Variants in PTK2 observed in about 807,000 individuals in gnomAD.
PTK2 encodes focal adhesion kinase 1.
In PTK2, 45 loss-of-function variants were observed where a neutral mutation model predicts 150.1. That is an observed-to-expected ratio of 0.30 (90% confidence interval 0.24 to 0.38). PTK2 has a LOEUF of 0.38. Ranked by LOEUF, PTK2 falls within the 10% of genes least tolerant of loss-of-function variation. The probability of loss-of-function intolerance (pLI) is 1.00; values close to 1 mark genes in which losing one functional copy is unlikely to be tolerated. For missense variants in PTK2, 919 were observed against 1,307.3 expected, an observed-to-expected ratio of 0.70 and a Z score of 4.58; for synonymous variants, 432 against 449.2, an observed-to-expected ratio of 0.96 and a Z score of 0.48.
At chr8:140,842,379 T>C (rs1330929519) in intron 7 of PTK2, among the ~76,000 whole-genome samples, 1 of 152,092 alleles carries the variant, frequency 6.6e-6, no homozygotes, top group Non-Finnish European at 1.5e-5. Flanking sequence ...TTGGTTTTTA[T>C]CCTGATTGAC....
intron 26 of PTK2, among the ~76,000 whole-genome samples, chr8:140,688,791 T>C (rs891713924): frequency 3.3e-5 from 5 of 152,198 alleles, no homozygotes; most frequent in African/African-American, 1.2e-4. Context: ...GAGCATAACT[T>C]AAAACATTGT....
intron 2 of PTK2, among the ~76,000 whole-genome samples, chr8:140,910,221 G>C (rs1370049172): frequency 1.3e-5 from 2 of 152,074 alleles, no homozygotes; most frequent in African/African-American, 2.4e-5. Flanking sequence ...ATAAAAGAGT[G>C]GGGGAGGTAA....
intron 27 of PTK2, among the ~76,000 whole-genome samples, chr8:140,678,793 A>G (rs915842460): frequency 1.2e-4 from 18 of 152,124 alleles, no homozygotes; most frequent in African/African-American, 4.3e-4. Context: ...AGGAACAGCA[A>G]GGTGGTCAGG....
intron 1 of PTK2, among the ~76,000 whole-genome samples, chr8:140,927,973 A>ATATATATATATAT (rs1257108435): frequency 6.9e-4 from 50 of 72,914 alleles, no homozygotes; most frequent in South Asian, 1.5e-3. Context: ...AAAAAAAAAA[A>ATATATATATATAT]AAATATATAT....
intron 1 of PTK2, among the ~76,000 whole-genome samples, chr8:140,951,041 G>A (rs1334303430): frequency 6.6e-6 from 1 of 151,962 alleles, no homozygotes; most frequent in African/African-American, 2.4e-5. Flanking sequence ...GTGCTCATCT[G>A]CCCATATGCT....
chr8:140,783,659 G>T (rs1026172405), intron 14 of PTK2, among the ~76,000 whole-genome samples: 1 of 152,082 alleles, frequency 6.6e-6, no homozygotes, highest in East Asian at 1.9e-4. Flanking sequence ...AGCTGTTTTA[G>T]AATTTGTAAT....
intron 29 of PTK2, chr8:140,669,301 G>GTGTATATATA (rs1554641612): frequency 1.5e-4 from 15 of 97,990 alleles, no homozygotes; most frequent in African/African-American, 5.1e-4. Flanking sequence ...GCATAAAATG[G>GTGTATATATA]TATATATATA....
At chr8:140,962,902 T>A (rs1050552999) in intron 1 of PTK2, among the ~76,000 whole-genome samples, 1 of 151,488 alleles carries the variant, frequency 6.6e-6, no homozygotes, top group Admixed American at 6.6e-5. Context: ...CTACCTAGGC[T>A]TCCTCTGCTT....
At chr8:140,696,394 G>A (rs1371929660) in intron 26 of PTK2, among the ~76,000 whole-genome samples, 3 of 152,192 alleles carry the variant, frequency 2.0e-5, no homozygotes, top group Non-Finnish European at 2.9e-5. Context: ...GGGAGAGAAC[G>A]CAGTAGTGCA....
rs137868237 is a variant in PTK2, at chr8:140,783,367, C to T, written c.1177+6107G>A. Among the ~76,000 whole-genome samples, 299 of 152,288 alleles carry T rather than the reference C, an allele frequency of 2.0e-3. 2 individuals carry two copies. The highest frequency in any genetic ancestry group is 6.9e-3 in the African/African-American group (287 of 41,554). On this transcript the variant is annotated intron_variant, in intron 14 of 31. Coordinates refer to ENST00000522684, the Ensembl canonical transcript of PTK2. ...GAACTTGGCCAAACCACTTCAGCTC[C>T]GAGTGTCTTTATTTCTTTATGTGTA...
intron 1 of PTK2, among the ~76,000 whole-genome samples, chr8:140,962,070 C>A (rs1025574733): frequency 2.6e-5 from 4 of 151,902 alleles, no homozygotes; most frequent in Non-Finnish European, 5.9e-5. Context: ...TGGCAAAACC[C>A]CGTCTCTACT....
chr8:140,844,410 G>C (rs11167002), intron 7 of PTK2, among the ~76,000 whole-genome samples: 63,367 of 151,630 alleles, frequency 0.42, 14,799 homozygotes, highest in Non-Finnish European at 0.54. Context: ...TTTTTCTATA[G>C]AGGAAATTTG....
intron 2 of PTK2, among the ~76,000 whole-genome samples, chr8:140,910,850 A>G (rs1266031258): frequency 6.6e-6 from 1 of 151,114 alleles, no homozygotes; most frequent in African/African-American, 2.4e-5. Flanking sequence ...TCCTTCCCCA[A>G]CTTTCTAAAG....
Position 140,753,215 on chromosome 8 carries a change from T to C in PTK2, c.1333-899A>G, listed in dbSNP as rs544901835. 2.0e-5 allele frequency among the ~76,000 whole-genome samples: 3 copies of C among 151,950 alleles called. No homozygotes were observed. The East Asian group carries it at 5.8e-4, about 29-fold the overall frequency. On this transcript the variant is annotated intron_variant, in intron 16 of 31. Transcript: ENST00000522684. Reference sequence around the variant, plus strand: ...GTGGCTTGGACAAACATGGTAGCAGTGGAGGTGGAGAGAAGGGCTGAGATT... The same window carrying C: ...GTGGCTTGGACAAACATGGTAGCAGCGGAGGTGGAGAGAAGGGCTGAGATT...
At chr8:140,972,980 TG>T (rs532481790) in intron 1 of PTK2, among the ~76,000 whole-genome samples, 155 of 152,352 alleles carry the variant, frequency 1.0e-3, no homozygotes, top group Non-Finnish European at 1.3e-3. Context: ...CTGATAGAAA[TG>T]TTAGAACAGA....
At chr8:140,660,526 C>A in intron 31 of PTK2, 1 of 436,908 alleles carries the variant, frequency 2.3e-6, no homozygotes. Context: ...AAGTTTGAGG[C>A]CAGCCTGGGC....
chr8:140,762,194 A>G (rs1369789464), intron 15 of PTK2, among the ~76,000 whole-genome samples, 174 bp downstream of exon 18: 1 of 152,178 alleles, frequency 6.6e-6, no homozygotes, highest in Non-Finnish European at 1.5e-5. Flanking sequence ...CAAAATTTAG[A>G]CAGTTATTTT....
chr8:140,974,734 G>C (rs976677281), intron 1 of PTK2, among the ~76,000 whole-genome samples: 16 of 152,172 alleles, frequency 1.1e-4, no homozygotes, highest in Admixed American at 7.9e-4. Context: ...CTGATAATGT[G>C]ATGAAAGCTC....
At chr8:140,794,066 T>C (rs1054756034) in intron 12 of PTK2, among the ~76,000 whole-genome samples, 4 of 152,184 alleles carry the variant, frequency 2.6e-5, no homozygotes, top group African/African-American at 9.7e-5. Flanking sequence ...CCAGGAAACA[T>C]GGAGCCCTCC....
Sources: allele counts gnomAD v4.1 joint callset (sites outside exome capture counted in the v4.1 genomes callset), GRCh38; gene constraint gnomAD v4.1.1; transcripts MANE v1.5; gene names NCBI Gene and HGNC (gene_info 2026-07-23, HGNC 2026-07-21).